Variants in RRP12 observed in about 807,000 individuals in gnomAD.
RRP12 encodes RRP12-like protein.
In RRP12, 78 loss-of-function variants were observed where a neutral mutation model predicts 157.3. That is an observed-to-expected ratio of 0.50 (90% CI 0.41 to 0.60). RRP12 has a LOEUF of 0.60. Ranked by LOEUF, RRP12 falls within the 20% of genes least tolerant of loss-of-function variation. The probability of loss-of-function intolerance (pLI) is 0.00; values close to 1 mark genes in which losing one functional copy is unlikely to be tolerated. For missense variants in RRP12, 1,521 were observed against 1,679.9 expected (o/e 0.91, Z 1.65); for synonymous variants, 726 against 670.9 (o/e 1.08, Z -1.27).
At chr10:97,365,786 G>A in intron 29 of RRP12, 2 of 249,072 alleles carry the variant, frequency 8.0e-6, no homozygotes, top group South Asian at 4.9e-5. Context: ...AAAAAAAGAG[G>A]AAGGAAGAAA....
At chr10:97,396,116 G>A in intron 3 of RRP12, 102 bp downstream of exon 3, 1 of 828,430 alleles carries the variant, frequency 1.2e-6, no homozygotes, top group African/African-American at 1.7e-5. Flanking sequence ...CCTGGTCAAG[G>A]TTGTCCTTCT....
chr10:97,397,450 C>A (rs1844998885), intron 2 of RRP12, among the ~76,000 whole-genome samples: 1 of 152,116 alleles, frequency 6.6e-6, no homozygotes, highest in African/African-American at 2.4e-5. Context: ...GCGTGAGCCA[C>A]CTCGCCTGGT....
chr10:97,390,499 A>G lies in RRP12; in HGVS notation c.677T>C (p.Leu226Pro), dbSNP rs753911958. Residue 226 changes from leucine to proline, a missense_variant, in exon 6 of 34, where the codon CTG (leucine) becomes CCG (proline). Transcript: ENST00000370992. The part of the protein sequence containing the change: ...CLATLLRKQD[L>P]EAWGYPVTLQ... Reference sequence around the variant, plus strand: ...GGTCACGGGGTAGCCCCAGGCCTCCAGGTCTTGCTTCCGCAGAAGGGTGGC... The same window carrying G: ...GGTCACGGGGTAGCCCCAGGCCTCCGGGTCTTGCTTCCGCAGAAGGGTGGC... 1 of 1,614,080 alleles carries G rather than the reference A, an allele frequency of 6.2e-7. No homozygotes were observed. Among genetic ancestry groups the G allele is most frequent in the Admixed American group, 1.7e-5 (1 of 60,018 alleles).
At position 97,370,993 on chromosome 10, in the gene RRP12, T is replaced by C. The variant is rs750597279; in HGVS notation, c.2432A>G (p.Gln811Arg). 6.2e-7 allele frequency: 1 copy of C among 1,613,896 alleles called. No individual in the cohort carries two copies. Among genetic ancestry groups the C allele is most frequent in the Non-Finnish European group, 8.5e-7 (1 of 1,179,996 alleles). The change falls in exon 21 of 34, where the codon CAG becomes CGG. Residue 811 changes from glutamine (Q) to arginine (R), a missense_variant. Transcript: ENST00000370992. The part of the protein sequence containing the change: ...SPQGPGALFV[Q>R]SHLEDLKKTL... ...CTTCTTCAGGTCCTCCAGGTGGCTC[T>C]GCACGAAGAGGGCCCCGGGGCCCTG... is the stretch of plus-strand genomic sequence containing the variant.
At chr10:97,369,770 G>A (rs1006255546) in intron 24 of RRP12, among the ~76,000 whole-genome samples, 188 bp from the exon 25 acceptor site, 1 of 152,226 alleles carries the variant, frequency 6.6e-6, no homozygotes, top group African/African-American at 2.4e-5. Flanking sequence ...TGAGGTGGGT[G>A]CTATTTCTTG....
intron 4 of RRP12, chr10:97,393,430 T>C: frequency 3.2e-6 from 2 of 632,432 alleles, no homozygotes; most frequent in Non-Finnish European, 3.0e-6. Context: ...ATTTTGGTGC[T>C]TTCCCAACCT....
chr10:97,395,867 AAAG>A (rs1844949066), intron 3 of RRP12, among the ~76,000 whole-genome samples: 1 of 140,162 alleles, frequency 7.1e-6, no homozygotes, highest in African/African-American at 2.7e-5. Flanking sequence ...AAAAAAAAAA[AAAG>A]TAATAAGTAG....
chr10:97,388,312 C>T lies in RRP12; in HGVS notation c.957G>A (p.Pro319=), dbSNP rs182185024. Residue 319 remains proline, a synonymous_variant, in exon 8 of 34, where the codon CCG becomes CCA. Coordinates refer to ENST00000370992, the MANE Select transcript of RRP12 (RefSeq NM_015179.4). ...CACTGCAGCTCTTCACCAGGCCTTC[C>T]GGGAAGCAGGGCAGCAGGTCCTTCA... The part of the protein sequence containing the change: ...TLLKDLLPCF[P]EGLVKSCSET... 1.4e-5 allele frequency: 22 copies of T among 1,613,976 alleles called. No homozygotes were observed. Among genetic ancestry groups the T allele is most frequent in the African/African-American group, 1.3e-4 (10 of 75,000 alleles).
At chr10:97,370,607 C>CG (rs1291668085) in intron 22 of RRP12, 47 bp from the exon 23 acceptor site, 2 of 1,589,732 alleles carry the variant, frequency 1.3e-6, no homozygotes, top group Non-Finnish European at 1.7e-6. Context: ...GCCATCTGCC[C>CG]GGGAAGCGAA....
At position 97,380,226 on chromosome 10, in the gene RRP12, C is replaced by T. The variant is rs533577996; in HGVS notation, c.1534-456G>A. Reference sequence around the variant, plus strand: ...CTCAGGCCAGGCCTCTTGATGGAGACCCTGTCCTCCCACCAGGGTTCCTTT... The same window carrying T: ...CTCAGGCCAGGCCTCTTGATGGAGATCCTGTCCTCCCACCAGGGTTCCTTT... On this transcript the variant is annotated intron_variant, in intron 13 of 33. Coordinates refer to ENST00000370992, the MANE Select transcript of RRP12 (RefSeq NM_015179.4). 2.6e-5 allele frequency among the ~76,000 whole-genome samples: 4 copies of T among 152,288 alleles called. No homozygotes were observed. In the South Asian group the frequency reaches 6.2e-4, roughly 24 times the overall value.
intron 30 of RRP12, among the ~76,000 whole-genome samples, chr10:97,361,858 T>C (rs965482908): frequency 6.6e-6 from 1 of 152,084 alleles, no homozygotes; most frequent in African/African-American, 2.4e-5. Context: ...CCTGTAATCC[T>C]GGCACTTTGG....
chr10:97,390,338 C>G, intron 6 of RRP12, 85 bp downstream of exon 6: 1 of 1,018,596 alleles, frequency 9.8e-7, no homozygotes, highest in Admixed American at 1.7e-5. Context: ...CTCCCCAGTG[C>G]CACTCAGCTA....
At chr10:97,383,343 T>C (rs1844522766) in intron 10 of RRP12, among the ~76,000 whole-genome samples, 1 of 152,226 alleles carries the variant, frequency 6.6e-6, no homozygotes, top group African/African-American at 2.4e-5. Flanking sequence ...GACCTGGCCT[T>C]ACTCATCAGG....
intron 6 of RRP12, among the ~76,000 whole-genome samples, chr10:97,389,960 A>G (rs1472729423): frequency 6.6e-6 from 1 of 151,624 alleles, no homozygotes; most frequent in Non-Finnish European, 1.5e-5. Context: ...TGATCCTCCC[A>G]CTTTGGCCTC....
rs766899000 is a variant in RRP12, at chr10:97,372,807, G to C, written c.2182-4C>G. 17 of 1,560,336 alleles carry C rather than the reference G, an allele frequency of 1.1e-5. No homozygotes were observed. In the South Asian group the frequency reaches 2.0e-4, roughly 18 times the overall value. On this transcript the variant is annotated splice_region_variant and splice_polypyrimidine_tract_variant and intron_variant, in intron 18 of 33. Transcript: ENST00000370992. ...TTTCCAGGAGACTGTTCACCAACTT[G>C]TGGCCCCGAGGGAATGAGGAGAAGA...
intron 9 of RRP12, 56 bp downstream of exon 9, chr10:97,385,839 C>A: frequency 7.7e-7 from 1 of 1,304,248 alleles, no homozygotes; most frequent in Non-Finnish European, 1.1e-6. Flanking sequence ...CCCAGCACAG[C>A]CTCCCAAGGC....
chr10:97,371,994 A>G (rs1844168497), intron 20 of RRP12, 79 bp downstream of exon 20: 1 of 955,536 alleles, frequency 1.0e-6, no homozygotes, highest in Non-Finnish European at 1.6e-6. Flanking sequence ...GGACAAAGAC[A>G]TGAAGACAGG....
At chr10:97,393,514 A>G (rs1476142274) in intron 4 of RRP12, 170 bp downstream of exon 4, 12 of 694,526 alleles carry the variant, frequency 1.7e-5, no homozygotes, top group Non-Finnish European at 3.1e-5. Flanking sequence ...TTCTCACTAG[A>G]GGCCTACGAC....
chr10:97,363,200 C>T (rs558642105), intron 30 of RRP12, among the ~76,000 whole-genome samples: 3 of 152,276 alleles, frequency 2.0e-5, no homozygotes, highest in East Asian at 1.9e-4. Flanking sequence ...AGAAACTGCT[C>T]CAGAATGGAA....
Sources: gnomAD v4.1 joint callset for allele counts (sites outside exome capture counted in the v4.1 genomes callset) on GRCh38, gnomAD v4.1.1 for gene constraint, MANE v1.5 for transcripts, NCBI Gene and HGNC (gene_info 2026-07-23, HGNC 2026-07-21) for gene names.